The following NWD2 variants were observed in gnomAD, a reference collection of about 807,000 sequenced individuals.
NWD2 encodes NACHT and WD repeat domain-containing protein 2.
In NWD2, 37 loss-of-function variants were observed where a neutral mutation model predicts 132.7. The observed-to-expected ratio is 0.28, with a 90% CI of 0.21 to 0.37. The LOEUF is 0.37. NWD2 is among the 10% of genes least tolerant of loss of function. The pLI is 1.00. For synonymous variants in NWD2, 705 were observed against 803.0 expected (o/e 0.88, Z 2.06); for missense variants, 1,592 against 2,122.4 (o/e 0.75, Z 4.91).
At chr4:37,324,369 T>C (rs1035434197) in intron 1 of NWD2, among the ~76,000 whole-genome samples, 7 of 152,206 alleles carry the variant, frequency 4.6e-5, no homozygotes, top group Non-Finnish European at 1.0e-4. Flanking sequence ...ATCTTCTATA[T>C]CTGCCAGTAT....
chr4:37,346,468 T>C (rs1719639035), intron 2 of NWD2, among the ~76,000 whole-genome samples: 1 of 152,206 alleles, frequency 6.6e-6, no homozygotes, highest in Non-Finnish European at 1.5e-5. Context: ...TTTATTCTTC[T>C]TTTGTAAGAT....
chr4:37,389,729 A>T (rs1261618621), intron 3 of NWD2, among the ~76,000 whole-genome samples: 1 of 152,104 alleles, frequency 6.6e-6, no homozygotes, highest in Non-Finnish European at 1.5e-5. Context: ...TCTAACAGCT[A>T]TGCTCCTTTT....
chr4:37,444,008 G>A lies in NWD2; in HGVS notation c.2020G>A (p.Glu674Lys), dbSNP rs1160570542. 7.1e-6 allele frequency: 11 copies of A among 1,552,220 alleles called. No homozygotes were observed. The highest frequency in any genetic ancestry group is 1.4e-5 in the African/African-American group (1 of 73,170). Residue 674 changes from glutamate (E) to lysine (K), a missense_variant, in exon 7 of 7, where the codon GAA (glutamate) becomes AAA (lysine). Glu to Lys is a moderately conservative substitution (Grantham distance 56). Coordinates refer to ENST00000309447, the MANE Select transcript of NWD2 (RefSeq NM_001144990.2). This position sits in a 1 kb window ranked among gnomAD's most constrained non-coding sequence, Gnocchi z 4.8. ...CACCATGGCCAAAATGGGTCTGAGTGAAATGGAACTGGAGGATGTGTTAGC... is the reference window on the plus strand; with the variant it reads ...CACCATGGCCAAAATGGGTCTGAGTAAAATGGAACTGGAGGATGTGTTAGC... ...YITMAKMGLS[E>K]MELEDVLALD...
Position 37,444,619 on chromosome 4 carries a change from T to C in NWD2, c.2631T>C (p.Ile877=), listed in dbSNP as rs1016159262. Residue 877 remains isoleucine, a synonymous_variant, in exon 7 of 7, where the codon ATT becomes ATC. Coordinates refer to ENST00000309447, the MANE Select transcript of NWD2 (RefSeq NM_001144990.2). This position sits in a 1 kb window ranked among gnomAD's most constrained non-coding sequence, Gnocchi z 4.8. The part of the protein sequence containing the change: ...IGQFDKVLSD[I]ELAYNYSQEK... ...AGTTTGACAAAGTGCTTTCAGACAT[T>C]GAGCTGGCTTACAACTACTCGCAAG... The C allele has an allele frequency of 9.0e-6, 14 of 1,552,006 alleles. No homozygotes were observed. The African/African-American group carries it at 1.1e-4, about 12-fold the overall frequency.
At chr4:37,336,970 AAC>A (rs1491277057) in intron 2 of NWD2, among the ~76,000 whole-genome samples, 1 of 150,610 alleles carries the variant, frequency 6.6e-6, no homozygotes, top group African/African-American at 2.4e-5. Context: ...AAAAAAAAAA[AAC>A]AAGAAATTGT....
chr4:37,302,995 G>T (rs1360154239), intron 1 of NWD2, among the ~76,000 whole-genome samples: 2 of 152,012 alleles, frequency 1.3e-5, no homozygotes, highest in East Asian at 3.8e-4. Context: ...TTGTTACCTG[G>T]GCTTTAGAAG....
At position 37,368,524 on chromosome 4, in the gene NWD2, G is replaced by A. The variant is rs145698038; in HGVS notation, c.357+12042G>A. The stretch of plus-strand genomic sequence containing the variant: ...CCCACTTAAACAGAAAGAGGTGTGC[G>A]TGCGGCTAAATATGATACTGTTTGA... On this transcript the variant is annotated intron_variant, in intron 3 of 6. Transcript: ENST00000309447. Among the ~76,000 whole-genome samples, 1,313 of 152,238 alleles carry A rather than the reference G, an allele frequency of 8.6e-3. 13 individuals carry two copies. The highest frequency in any genetic ancestry group is 0.019 in the African/African-American group (778 of 41,550).
intron 1 of NWD2, among the ~76,000 whole-genome samples, chr4:37,297,835 T>C (rs1718526537): frequency 6.6e-6 from 1 of 152,168 alleles, no homozygotes; most frequent in Non-Finnish European, 1.5e-5. Flanking sequence ...GAGTACATCA[T>C]ATCAGGAGGA....
intron 1 of NWD2, among the ~76,000 whole-genome samples, chr4:37,312,255 C>T (rs574913741): frequency 1.3e-5 from 2 of 151,386 alleles, no homozygotes; most frequent in Non-Finnish European, 2.9e-5. Flanking sequence ...TTCTTCCTAC[C>T]CATGAGCATG....
chr4:37,431,587 C>A (rs556537896), intron 4 of NWD2, among the ~76,000 whole-genome samples: 1 of 152,244 alleles, frequency 6.6e-6, no homozygotes, highest in Non-Finnish European at 1.5e-5. Flanking sequence ...TAATTATAAA[C>A]CTGAAATTGG....
chr4:37,402,845 C>T (rs1720922628), intron 3 of NWD2, among the ~76,000 whole-genome samples: 1 of 152,180 alleles, frequency 6.6e-6, no homozygotes, highest in African/African-American at 2.4e-5. Flanking sequence ...GTTATTTTAA[C>T]CATCACTATT....
chr4:37,298,712 TG>T (rs767391558), intron 1 of NWD2, among the ~76,000 whole-genome samples: 1 of 152,152 alleles, frequency 6.6e-6, no homozygotes, highest in African/African-American at 2.4e-5. Flanking sequence ...GGATCATCAA[TG>T]AAAGTTCGAG....
In NWD2 at chr4:37,401,339, T is replaced by A. The variant is rs190172588; in HGVS notation, c.358-29233T>A. Among the ~76,000 whole-genome samples, 412 of 151,968 alleles carry A rather than the reference T, an allele frequency of 2.7e-3. 1 individual carries two copies. Among genetic ancestry groups the A allele is most frequent in the African/African-American group, 9.4e-3 (391 of 41,448 alleles). On this transcript the variant is annotated intron_variant, in intron 3 of 6. Coordinates refer to ENST00000309447, the MANE Select transcript of NWD2 (RefSeq NM_001144990.2). ...TGCCAACTGGCTTAACAAGAAAAAC[T>A]GCTCTCCAGAGATACCACCTTGATC...
rs142684019 is a variant in NWD2 at position 37,336,875 on chromosome 4, G to C, written c.240+10851G>C. Among the ~76,000 whole-genome samples the C allele has an allele frequency of 4.1e-5, 6 of 146,506 alleles. No homozygotes were observed. The South Asian group carries it at 1.1e-3, about 27-fold the overall frequency. Reference sequence around the variant, plus strand: ...AATCGCTTGAAACTGGAAGGCGGAGGTTGCAGTGGGCCGAGATCAAGATCG... The same window carrying C: ...AATCGCTTGAAACTGGAAGGCGGAGCTTGCAGTGGGCCGAGATCAAGATCG... On this transcript the variant is annotated intron_variant, in intron 2 of 6. Coordinates refer to ENST00000309447, the MANE Select transcript of NWD2 (RefSeq NM_001144990.2).
At position 37,357,284 on chromosome 4, in the gene NWD2, A is replaced by C. The variant is rs570257294; in HGVS notation, c.357+802A>C. Among the ~76,000 whole-genome samples, 242 of 152,286 alleles carry C rather than the reference A, an allele frequency of 1.6e-3. 1 individual carries two copies. Among genetic ancestry groups the C allele is most frequent in the African/African-American group, 5.5e-3 (229 of 41,556 alleles). On this transcript the variant is annotated intron_variant, in intron 3 of 6. Coordinates refer to ENST00000309447, the MANE Select transcript of NWD2 (RefSeq NM_001144990.2). ...ATTACCAGTGAGTGCTATGAAAAAAAATCACACCGTACTGTTAAAAACTAG... is the reference window on the plus strand; with the variant it reads ...ATTACCAGTGAGTGCTATGAAAAAACATCACACCGTACTGTTAAAAACTAG...
chr4:37,291,100 C>T (rs771752555), intron 1 of NWD2, among the ~76,000 whole-genome samples: 16 of 152,148 alleles, frequency 1.1e-4, no homozygotes, highest in Middle Eastern at 3.4e-3. Context: ...AAAATCAGCC[C>T]GGGACATTCA....
intron 3 of NWD2, among the ~76,000 whole-genome samples, chr4:37,400,887 C>T (rs528068568): frequency 6.6e-6 from 1 of 152,274 alleles, no homozygotes; most frequent in African/African-American, 2.4e-5. Flanking sequence ...TAAAGGAATA[C>T]CTTTCAACGC....
At chr4:37,361,416 C>T (rs961533675) in intron 3 of NWD2, among the ~76,000 whole-genome samples, 11 of 152,048 alleles carry the variant, frequency 7.2e-5, no homozygotes, top group African/African-American at 2.7e-4. Context: ...TCCTGGTGAA[C>T]ATAGATGCAA....
In NWD2 at chr4:37,433,795, A is replaced by G. The variant is rs1167664222; in HGVS notation, c.562-81A>G. Reference sequence around the variant, plus strand: ...GTATTGGCACATAGTAGGCCTTCAAATAATAGAAATTTTCTTGTTCTTAAA... The same window carrying G: ...GTATTGGCACATAGTAGGCCTTCAAGTAATAGAAATTTTCTTGTTCTTAAA... On this transcript the variant is annotated intron_variant, in intron 4 of 6. Transcript: ENST00000309447. 3 of 1,184,388 alleles carry G rather than the reference A, an allele frequency of 2.5e-6. No homozygotes were observed. In the African/African-American group the frequency reaches 4.7e-5, roughly 18 times the overall value. The allele number at this position is 1,184,388 out of a possible 1,614,324, so 73.4% of individuals were successfully genotyped here.
Sources: allele counts gnomAD v4.1 joint callset (sites outside exome capture counted in the v4.1 genomes callset), GRCh38; gene constraint gnomAD v4.1.1; non-coding constraint Gnocchi (gnomAD v3.1); transcripts MANE v1.5; gene names NCBI Gene and HGNC (gene_info 2026-07-23, HGNC 2026-07-21).